Variants in KCNMA1 observed in about 807,000 individuals in gnomAD.
The protein encoded by KCNMA1 is Calcium-activated potassium channel subunit alpha-1.
KCNMA1 carries 29 observed loss-of-function variants against 140.0 expected under a neutral mutation model. That is an observed-to-expected ratio of 0.21 (90% CI 0.15 to 0.28). KCNMA1 has a LOEUF of 0.28. KCNMA1 is among the 10% of genes least tolerant of loss of function. KCNMA1 has a pLI of 1.00. For synonymous variants in KCNMA1, 612 were observed against 611.9 expected, an observed-to-expected ratio of 1.00 and a Z score of 0.00; for missense variants, 880 against 1,602.2, an observed-to-expected ratio of 0.55 and a Z score of 7.70.
Position 76,978,814 on chromosome 10 carries a change from G to A in KCNMA1, c.2267-8747C>T, listed in dbSNP as rs1688393168. 2.6e-5 allele frequency among the ~76,000 whole-genome samples: 4 copies of A among 152,174 alleles called. No individual in the cohort carries two copies. In the South Asian group the frequency reaches 8.3e-4, roughly 32 times the overall value. On this transcript the variant is annotated intron_variant, in intron 19 of 27. Transcript: ENST00000286628. ...TGGCTACAGCTGCTAGTTTCCTGGT[G>A]TCCTCATTGTTTCCACCCCTAGTGA...
chr10:76,924,886 G>A (rs2057203284), intron 23 of KCNMA1, among the ~76,000 whole-genome samples: 1 of 152,148 alleles, frequency 6.6e-6, no homozygotes, highest in Non-Finnish European at 1.5e-5. Context: ...CATAGGGGAA[G>A]GGAGGAGCAG....
At chr10:77,289,364 T>C (rs1380491576) in intron 2 of KCNMA1, among the ~76,000 whole-genome samples, 1 of 152,160 alleles carries the variant, frequency 6.6e-6, no homozygotes, top group Non-Finnish European at 1.5e-5. Context: ...ATTCCAATCA[T>C]CAGCAGGCAT....
At chr10:77,072,264 G>T (rs1376616987) in intron 14 of KCNMA1, among the ~76,000 whole-genome samples, 1 of 152,222 alleles carries the variant, frequency 6.6e-6, no homozygotes, top group East Asian at 1.9e-4. Flanking sequence ...TTACACACGG[G>T]TTTGTCACCT....
intron 1 of KCNMA1, among the ~76,000 whole-genome samples, chr10:77,558,412 C>A (rs2065275367): frequency 6.6e-6 from 1 of 152,030 alleles, no homozygotes; most frequent in Non-Finnish European, 1.5e-5. Context: ...GGAGAGGGGA[C>A]AATGGAACAA....
Position 77,637,627 on chromosome 10 carries a change from C to CGCT in KCNMA1, c.15_16insAGC (p.Gly5_Gly6insSer), listed in dbSNP as rs780558929. 7.2e-5 allele frequency: 109 copies of CGCT among 1,523,288 alleles called. No individual in the cohort carries two copies. The East Asian group carries it at 1.6e-3, about 22-fold the overall frequency. The allele number at this position is 1,523,288 out of a possible 1,614,324, so 94.4% of individuals were successfully genotyped here. On this transcript the variant is annotated inframe_insertion, in exon 1 of 28. Coordinates refer to ENST00000286628, the MANE Select transcript of KCNMA1 (RefSeq NM_001161352.2). ...CCGCCGCTGCTGCCGCCGCCGCCGC[C>CGCT]GCCACCATTTGCCATAGCTAGCAAC...
chr10:76,952,000 T>C (rs1156688338), intron 21 of KCNMA1: 10 of 1,543,840 alleles, frequency 6.5e-6, no homozygotes, highest in Non-Finnish European at 7.9e-6. Flanking sequence ...TTTTGTTAAA[T>C]GATGTTATTT....
At chr10:77,290,438 A>C (rs1417090410) in intron 2 of KCNMA1, among the ~76,000 whole-genome samples, 1 of 152,232 alleles carries the variant, frequency 6.6e-6, no homozygotes, top group Non-Finnish European at 1.5e-5. Flanking sequence ...TGAGGGACTG[A>C]AGGCCTGGGG....
chr10:77,568,382 C>T (rs890578178), intron 1 of KCNMA1, among the ~76,000 whole-genome samples: 6 of 152,190 alleles, frequency 3.9e-5, no homozygotes, highest in African/African-American at 1.2e-4. Context: ...AAAGCTTATC[C>T]ACCATGATCA....
intron 12 of KCNMA1, among the ~76,000 whole-genome samples, chr10:77,083,650 A>G (rs903952247): frequency 6.6e-6 from 1 of 151,948 alleles, no homozygotes; most frequent in Admixed American, 6.6e-5. Flanking sequence ...GCAACATAGC[A>G]AGACCCTGTC....
chr10:77,440,567 A>G (rs1487365102), intron 1 of KCNMA1, among the ~76,000 whole-genome samples: 1 of 152,244 alleles, frequency 6.6e-6, no homozygotes, highest in African/African-American at 2.4e-5. Context: ...AAATATTTAA[A>G]TAATTCTTTG....
intron 13 of KCNMA1, among the ~76,000 whole-genome samples, chr10:77,078,266 C>T (rs577136379): frequency 5.3e-5 from 8 of 152,288 alleles, no homozygotes; most frequent in Admixed American, 2.0e-4. Context: ...GGGCAGCCTC[C>T]GGTTTCTAGG....
intron 1 of KCNMA1, among the ~76,000 whole-genome samples, chr10:77,424,320 T>A (rs905823901): frequency 6.6e-6 from 1 of 152,228 alleles, no homozygotes; most frequent in African/African-American, 2.4e-5. Flanking sequence ...GCACATGCCC[T>A]AATCTTTTCC....
intron 1 of KCNMA1, among the ~76,000 whole-genome samples, chr10:77,633,275 G>A (rs980026360): frequency 4.0e-5 from 6 of 151,892 alleles, no homozygotes; most frequent in South Asian, 2.1e-4. Flanking sequence ...AGATCGTGCC[G>A]CTGCACTCCA....
intron 5 of KCNMA1, among the ~76,000 whole-genome samples, chr10:77,148,896 AGG>A (rs1564826405): frequency 3.3e-5 from 5 of 151,612 alleles, no homozygotes; most frequent in Admixed American, 6.6e-5. Context: ...ATTTGAGAAC[AGG>A]TACTTCTACA....
chr10:77,089,918 C>T (rs1466483812), intron 10 of KCNMA1, among the ~76,000 whole-genome samples: 1 of 152,162 alleles, frequency 6.6e-6, no homozygotes, highest in Non-Finnish European at 1.5e-5. Flanking sequence ...GCTAGGGTCC[C>T]ATGCTGGGGG....
chr10:77,443,223 G>C (rs921564441), intron 1 of KCNMA1, among the ~76,000 whole-genome samples: 2 of 152,184 alleles, frequency 1.3e-5, no homozygotes, highest in Admixed American at 6.5e-5. Flanking sequence ...CCAATGGAAA[G>C]CTTTTCTCAG....
At chr10:77,041,567 C>T (rs2094695581) in intron 14 of KCNMA1, among the ~76,000 whole-genome samples, 1 of 152,186 alleles carries the variant, frequency 6.6e-6, no homozygotes, top group African/African-American at 2.4e-5. Context: ...TCCCAAAATG[C>T]TCCCAAAATA....
intron 5 of KCNMA1, among the ~76,000 whole-genome samples, chr10:77,158,538 TC>T (rs1019153637): frequency 5.3e-5 from 8 of 151,816 alleles, no homozygotes; most frequent in South Asian, 2.1e-4. Flanking sequence ...TTCCCCATAG[TC>T]CCCCCCTCCA....
chr10:77,218,378 A>G (rs1286125397), intron 3 of KCNMA1, among the ~76,000 whole-genome samples: 2 of 152,224 alleles, frequency 1.3e-5, no homozygotes, highest in Admixed American at 6.5e-5. Context: ...TTGCAGAATT[A>G]CTTGAATGAA....
Sources: gnomAD v4.1 joint callset for allele counts (sites outside exome capture counted in the v4.1 genomes callset) on GRCh38, gnomAD v4.1.1 for gene constraint, MANE v1.5 for transcripts, NCBI Gene and HGNC (gene_info 2026-07-23, HGNC 2026-07-21) for gene names.